SPTLC2: variants seen among roughly 807,000 people sequenced by gnomAD.
SPTLC2 encodes serine palmitoyltransferase 2.
SPTLC2 carries 21 observed loss-of-function variants against 62.0 expected under a neutral mutation model. That is an observed-to-expected ratio of 0.34 (90% CI 0.24 to 0.49). SPTLC2 has a LOEUF of 0.49. Among genes scored for constraint, SPTLC2 ranks in the 20% least tolerant of loss-of-function variants. The pLI is 0.99. For synonymous variants in SPTLC2, 261 were observed against 261.8 expected (o/e 1.00, Z 0.03); for missense variants, 511 against 713.0 (o/e 0.72, Z 3.23).
intron 5 of SPTLC2, among the ~76,000 whole-genome samples, chr14:77,569,854 G>GATAT (rs1594996097): frequency 2.8e-5 from 2 of 70,332 alleles, no homozygotes; most frequent in Non-Finnish European, 6.1e-5. Flanking sequence ...TTATATATAT[G>GATAT]TATATAAATA....
intron 1 of SPTLC2, among the ~76,000 whole-genome samples, chr14:77,611,208 CAGG>C (rs1259574567): frequency 6.7e-6 from 1 of 149,730 alleles, no homozygotes; most frequent in Admixed American, 6.6e-5. Context: ...GAGGCTGAGG[CAGG>C]AGAATGGTGT....
rs8018812 is a variant in SPTLC2, at chr14:77,528,881, G to T, written c.1304-7300C>A. On this transcript the variant is annotated intron_variant, in intron 9 of 11. Transcript: ENST00000216484. Reference sequence around the variant, plus strand: ...ACAGAGTCTCACTCTTGTCGCCCAGGCTGGTATGCAATGGTGCAATCTTGG... The same window carrying T: ...ACAGAGTCTCACTCTTGTCGCCCAGTCTGGTATGCAATGGTGCAATCTTGG... Among the ~76,000 whole-genome samples, 1,164 of 151,866 alleles carry T rather than the reference G, an allele frequency of 7.7e-3. 25 individuals carry two copies. The highest frequency in any genetic ancestry group is 0.027 in the African/African-American group (1,098 of 41,412).
At chr14:77,523,194 A>G (rs185167357) in intron 9 of SPTLC2, among the ~76,000 whole-genome samples, 8 of 152,372 alleles carry the variant, frequency 5.3e-5, no homozygotes, top group Admixed American at 4.6e-4. Flanking sequence ...CATTTAGAAG[A>G]TGAGACTTCT....
At chr14:77,517,315 T>C (rs1225716171) in intron 11 of SPTLC2, among the ~76,000 whole-genome samples, 4 of 152,214 alleles carry the variant, frequency 2.6e-5, no homozygotes, top group Admixed American at 6.5e-5. Context: ...TTTATGCAAA[T>C]GTCATGTTCT....
At chr14:77,594,684 A>G (rs2079836454) in intron 2 of SPTLC2, among the ~76,000 whole-genome samples, 1 of 152,204 alleles carries the variant, frequency 6.6e-6, no homozygotes, top group African/African-American at 2.4e-5. Flanking sequence ...TTCTGTCTAC[A>G]TTCCAGATTC....
At chr14:77,608,702 G>C (rs897537299) in intron 1 of SPTLC2, among the ~76,000 whole-genome samples, 2 of 151,988 alleles carry the variant, frequency 1.3e-5, no homozygotes, top group Admixed American at 6.6e-5. Flanking sequence ...GATGGACTTG[G>C]AGTAGGGAAG....
chr14:77,610,994 A>T (rs78051815), intron 1 of SPTLC2, among the ~76,000 whole-genome samples: 1 of 65,436 alleles, frequency 1.5e-5, no homozygotes, highest in Admixed American at 1.4e-4. Context: ...CATCTCTACA[A>T]AAAAAAAAAA....
At chr14:77,593,101 TC>T (rs775416694) in intron 2 of SPTLC2, among the ~76,000 whole-genome samples, 3 of 145,970 alleles carry the variant, frequency 2.1e-5, no homozygotes, top group Non-Finnish European at 4.5e-5. Context: ...AGACTCCATC[TC>T]AAAAAAAAAA....
intron 2 of SPTLC2, among the ~76,000 whole-genome samples, chr14:77,592,786 C>T (rs1337425624): frequency 6.6e-6 from 1 of 152,028 alleles, no homozygotes; most frequent in Non-Finnish European, 1.5e-5. Context: ...TCTTTGTATC[C>T]ATATGTTCTC....
intron 1 of SPTLC2, among the ~76,000 whole-genome samples, chr14:77,598,374 T>C (rs941093188): frequency 6.6e-6 from 1 of 152,066 alleles, no homozygotes; most frequent in Non-Finnish European, 1.5e-5. Context: ...GCAAAAAATA[T>C]AAATCAACAA....
chr14:77,535,042 C>T (rs1247881393), intron 9 of SPTLC2, among the ~76,000 whole-genome samples: 3 of 152,160 alleles, frequency 2.0e-5, no homozygotes, highest in Non-Finnish European at 4.4e-5. Flanking sequence ...ATTCTCCTGC[C>T]TCAGCCTCCC....
At chr14:77,604,536 A>G (rs2079894319) in intron 1 of SPTLC2, among the ~76,000 whole-genome samples, 1 of 152,144 alleles carries the variant, frequency 6.6e-6, no homozygotes, top group African/African-American at 2.4e-5. Context: ...TCATGTTAGC[A>G]GAGCCTGTAA....
intron 1 of SPTLC2, among the ~76,000 whole-genome samples, chr14:77,602,548 CTT>C (rs60014262): frequency 0.014 from 1,917 of 137,462 alleles, 57 homozygotes; most frequent in African/African-American, 0.047. Context: ...AGGTTTGTTT[CTT>C]TTTTTTTTTT....
chr14:77,529,623 T>TCTTTC (rs199696395), intron 9 of SPTLC2, among the ~76,000 whole-genome samples: 3 of 68,300 alleles, frequency 4.4e-5, no homozygotes, highest in African/African-American at 6.5e-5. Flanking sequence ...TTTCTTTCTT[T>TCTTTC]TTTTTTTTTT....
At chr14:77,555,623 T>C in intron 7 of SPTLC2, 104 bp from the exon 8 acceptor site, 3 of 1,149,798 alleles carry the variant, frequency 2.6e-6, no homozygotes, top group South Asian at 2.8e-5. Context: ...ACTGCTTCTT[T>C]TTTTTTTCTT....
intron 1 of SPTLC2, among the ~76,000 whole-genome samples, chr14:77,610,774 G>A (rs78776924): frequency 0.097 from 14,715 of 151,712 alleles, 760 homozygotes; most frequent in Middle Eastern, 0.18. Context: ...GGCTGGGTGC[G>A]GTGGCTCACA....
chr14:77,596,612 TC>T (rs1351495965), intron 2 of SPTLC2, among the ~76,000 whole-genome samples: 1 of 152,216 alleles, frequency 6.6e-6, no homozygotes, highest in African/African-American at 2.4e-5. Flanking sequence ...ACAACCATGC[TC>T]ATATGTTTGC....
intron 2 of SPTLC2, among the ~76,000 whole-genome samples, chr14:77,593,460 T>C (rs914313063): frequency 7.9e-5 from 12 of 152,214 alleles, no homozygotes; most frequent in Non-Finnish European, 1.6e-4. Flanking sequence ...TCTGAACTAC[T>C]AGCTTCACCT....
intron 4 of SPTLC2, among the ~76,000 whole-genome samples, chr14:77,575,752 CG>C (rs771353765): frequency 9.2e-4 from 140 of 152,296 alleles, no homozygotes; most frequent in Admixed American, 2.0e-3. Flanking sequence ...AGACTGGTCT[CG>C]AACTCCTGGC....
Sources: gnomAD v4.1 joint callset for allele counts (sites outside exome capture counted in the v4.1 genomes callset) on GRCh38, gnomAD v4.1.1 for gene constraint, MANE v1.5 for transcripts, NCBI Gene and HGNC (gene_info 2026-07-23, HGNC 2026-07-21) for gene names.